The following CCSER1 variants were observed in gnomAD, a reference collection of about 807,000 sequenced individuals.
CCSER1 encodes the protein coiled-coil serine rich protein 1.
In CCSER1, 41 loss-of-function variants were observed where a neutral mutation model predicts 82.0. The observed-to-expected ratio is 0.50, with a 90% CI of 0.39 to 0.65. The LOEUF (loss-of-function observed/expected upper bound fraction) is 0.65. Among genes scored for constraint, CCSER1 ranks in the 30% least tolerant of loss-of-function variants. CCSER1 has a pLI of 0.00. For synonymous variants in CCSER1, 414 were observed against 383.9 expected, an observed-to-expected ratio of 1.08 and a Z score of -0.92; for missense variants, 1,119 against 1,064.2, an observed-to-expected ratio of 1.05 and a Z score of -0.72.
chr4:91,489,909 T>C (rs542626455), intron 10 of CCSER1, among the ~76,000 whole-genome samples: 1 of 152,298 alleles, frequency 6.6e-6, no homozygotes, highest in South Asian at 2.1e-4. Flanking sequence ...AAAACTCTTA[T>C]AATCCAGTTA....
intron 10 of CCSER1, among the ~76,000 whole-genome samples, chr4:91,587,926 A>T (rs1167535899): frequency 6.6e-6 from 1 of 151,638 alleles, no homozygotes; most frequent in Non-Finnish European, 1.5e-5. Context: ...TTGAATCTTG[A>T]ATTAATATTA....
chr4:90,973,152 T>C (rs756112440), intron 9 of CCSER1, among the ~76,000 whole-genome samples: 11 of 151,492 alleles, frequency 7.3e-5, no homozygotes, highest in Non-Finnish European at 1.5e-4. Flanking sequence ...AAAACAGAAA[T>C]AGACAAGTAG....
In CCSER1 at chr4:90,146,477, G is replaced by A. The variant is rs115469589; in HGVS notation, c.-42+18646G>A. On this transcript the variant is annotated intron_variant, in intron 1 of 10. Coordinates refer to ENST00000509176, the MANE Select transcript of CCSER1 (RefSeq NM_001145065.2). ...GAATTAGCCTAGAAAAACAGCTACCGTCATTCTAATTACTGGCAGCTTTGG... is the reference window on the plus strand; with the variant it reads ...GAATTAGCCTAGAAAAACAGCTACCATCATTCTAATTACTGGCAGCTTTGG... Among the ~76,000 whole-genome samples, 841 of 152,008 alleles carry A rather than the reference G, an allele frequency of 5.5e-3. 9 individuals are homozygous for A. Among genetic ancestry groups the A allele is most frequent in the African/African-American group, 0.019 (794 of 41,520 alleles).
chr4:91,352,305 G>A (rs1008982915), intron 10 of CCSER1, among the ~76,000 whole-genome samples: 29 of 152,160 alleles, frequency 1.9e-4, no homozygotes, highest in Non-Finnish European at 3.7e-4. Flanking sequence ...GGAGTGCAGT[G>A]GCGCGATCTC....
At chr4:90,916,301 G>C (rs1488823011) in intron 8 of CCSER1, among the ~76,000 whole-genome samples, 1 of 152,040 alleles carries the variant, frequency 6.6e-6, no homozygotes, top group Non-Finnish European at 1.5e-5. Context: ...GCATGGTACT[G>C]GTACCAAAAC....
chr4:90,792,014 A>G (rs751262153), intron 7 of CCSER1, among the ~76,000 whole-genome samples: 3 of 152,328 alleles, frequency 2.0e-5, no homozygotes, highest in Non-Finnish European at 2.9e-5. Flanking sequence ...TCTCAGAGGT[A>G]TGCCCATATA....
At chr4:91,341,271 T>C (rs2149287895) in intron 10 of CCSER1, among the ~76,000 whole-genome samples, 1 of 152,332 alleles carries the variant, frequency 6.6e-6, no homozygotes, top group African/African-American at 2.4e-5. Flanking sequence ...CCATAGAGAA[T>C]GGAAAATAAA....
intron 9 of CCSER1, among the ~76,000 whole-genome samples, chr4:90,924,710 G>GT (rs1728831184): frequency 1.3e-5 from 2 of 151,960 alleles, no homozygotes; most frequent in African/African-American, 4.8e-5. Context: ...TAAAAACTTG[G>GT]TTTTTTGTTG....
chr4:90,136,910 T>C (rs1560668823), intron 1 of CCSER1, among the ~76,000 whole-genome samples: 1 of 152,118 alleles, frequency 6.6e-6, no homozygotes, highest in Non-Finnish European at 1.5e-5. Context: ...AAGACCCAAA[T>C]TCATTGTTAT....
At chr4:90,580,113 G>A (rs1223155410) in intron 5 of CCSER1, among the ~76,000 whole-genome samples, 2 of 152,106 alleles carry the variant, frequency 1.3e-5, no homozygotes, top group African/African-American at 4.8e-5. Context: ...ATAAACAGGA[G>A]AGGCTGAGCT....
chr4:90,474,239 G>T (rs903855101), intron 5 of CCSER1, among the ~76,000 whole-genome samples: 7 of 152,118 alleles, frequency 4.6e-5, no homozygotes, highest in Admixed American at 1.3e-4. Context: ...AGCCAAGGAG[G>T]TCAGGTAAAA....
chr4:91,473,147 C>CTTCTCCTTGAGA (rs1174931953), intron 10 of CCSER1, among the ~76,000 whole-genome samples: 1 of 152,168 alleles, frequency 6.6e-6, no homozygotes. Flanking sequence ...GTCTGCAGAG[C>CTTCTCCTTGAGA]TTCTCCTTGA....
At chr4:90,481,503 G>T (rs1429763062) in intron 5 of CCSER1, among the ~76,000 whole-genome samples, 9 of 152,212 alleles carry the variant, frequency 5.9e-5, no homozygotes, top group African/African-American at 2.2e-4. Context: ...TATGGCTGTG[G>T]GTTTGTCATA....
intron 1 of CCSER1, among the ~76,000 whole-genome samples, chr4:90,138,783 A>G (rs1362791898): frequency 2.0e-5 from 3 of 152,036 alleles, no homozygotes; most frequent in Non-Finnish European, 4.4e-5. Flanking sequence ...TACATGTGCC[A>G]TGTTGGTGTG....
intron 9 of CCSER1, among the ~76,000 whole-genome samples, chr4:90,974,991 G>A (rs1472777355): frequency 6.6e-6 from 1 of 151,324 alleles, no homozygotes; most frequent in Non-Finnish European, 1.5e-5. Flanking sequence ...AATCCATAAA[G>A]CAAAGTGTTA....
chr4:90,863,604 A>G (rs916791792), intron 8 of CCSER1, among the ~76,000 whole-genome samples: 10 of 151,926 alleles, frequency 6.6e-5, no homozygotes, highest in African/African-American at 1.9e-4. Flanking sequence ...AATGTAGTAA[A>G]ATTGTAATTT....
chr4:91,118,904 G>C (rs551608639), intron 10 of CCSER1, among the ~76,000 whole-genome samples: 1 of 152,280 alleles, frequency 6.6e-6, no homozygotes, highest in South Asian at 2.1e-4. Flanking sequence ...TAGAAACCTT[G>C]ATAATATAGC....
chr4:90,391,489 CACA>C (rs1561152767), intron 3 of CCSER1, among the ~76,000 whole-genome samples: 2 of 81,218 alleles, frequency 2.5e-5, no homozygotes, highest in Non-Finnish European at 4.3e-5. Context: ...TATATATACA[CACA>C]CACAGTGGGT....
chr4:90,796,951 A>G (rs1170885215), intron 7 of CCSER1, among the ~76,000 whole-genome samples: 3 of 152,164 alleles, frequency 2.0e-5, no homozygotes, highest in Non-Finnish European at 4.4e-5. Context: ...AATGAAAAGC[A>G]TGTATATTCT....
Sources: gnomAD v4.1 joint callset for allele counts (sites outside exome capture counted in the v4.1 genomes callset) on GRCh38, gnomAD v4.1.1 for gene constraint, MANE v1.5 for transcripts, NCBI Gene and HGNC (gene_info 2026-07-23, HGNC 2026-07-21) for gene names.